The following R3HDM1 variants were observed in gnomAD, a reference collection of about 807,000 sequenced individuals.
R3HDM1 encodes R3H domain-containing protein 1.
Under a neutral mutation model 141.1 loss-of-function variants are expected in R3HDM1, and 46 were observed. The observed-to-expected ratio is 0.33, with a 90% CI of 0.26 to 0.42. The LOEUF (loss-of-function observed/expected upper bound fraction) is 0.42. Ranked by LOEUF, R3HDM1 falls within the 10% of genes least tolerant of loss-of-function variation. The pLI is 1.00. For missense variants in R3HDM1, 1,184 were observed against 1,368.3 expected (o/e 0.87, Z 2.12); for synonymous variants, 435 against 472.9 (o/e 0.92, Z 1.04).
At chr2:135,630,398 G>A (rs2105213301) in intron 7 of R3HDM1, among the ~76,000 whole-genome samples, 1 of 150,558 alleles carries the variant, frequency 6.6e-6, no homozygotes, top group Non-Finnish European at 1.5e-5. Context: ...CTAAGGAGAA[G>A]CAGGTTTGGA....
At chr2:135,651,013 G>T in intron 17 of R3HDM1, 2 of 985,372 alleles carry the variant, frequency 2.0e-6, no homozygotes, top group Non-Finnish European at 2.4e-6. Flanking sequence ...TCCTTATCCT[G>T]TTGAATTAGA....
intron 21 of R3HDM1, among the ~76,000 whole-genome samples, chr2:135,690,584 A>G (rs758389087): frequency 6.6e-5 from 10 of 152,192 alleles, no homozygotes; most frequent in Non-Finnish European, 8.8e-5. Flanking sequence ...ATGATTTTGT[A>G]GCACTAACAG....
chr2:135,536,594 C>T (rs893111267), intron 1 of R3HDM1: 38 of 897,048 alleles, frequency 4.2e-5, no homozygotes, highest in South Asian at 5.1e-5. Context: ...TGACCATTCT[C>T]GAGAGGGAAT....
chr2:135,663,529 T>C (rs943673261), intron 19 of R3HDM1, among the ~76,000 whole-genome samples: 1 of 152,208 alleles, frequency 6.6e-6, no homozygotes. Context: ...AGCATTCTTA[T>C]CTAAAAGAGA....
chr2:135,551,294 C>T lies in R3HDM1; in HGVS notation c.-250+19661C>T, dbSNP rs576180822. 6.6e-5 allele frequency among the ~76,000 whole-genome samples: 10 copies of T among 152,190 alleles called. No homozygotes were observed. The South Asian group carries it at 1.9e-3, about 28-fold the overall frequency. ...AAAATTAGAAGTGGGAGAGGCTGCC[C>T]GCTGTAGCTGCACTAGCAGCAGGAA... On this transcript the variant is annotated intron_variant, in intron 1 of 26. Transcript: ENST00000683871.
chr2:135,663,172 A>G (rs1203330532), intron 19 of R3HDM1, among the ~76,000 whole-genome samples: 3 of 151,842 alleles, frequency 2.0e-5, no homozygotes, highest in Non-Finnish European at 4.4e-5. Context: ...ACTTAATAGA[A>G]TTCAACTAAA....
intron 23 of R3HDM1, 132 bp from the exon 24 acceptor site, chr2:135,715,418 G>T: frequency 1.0e-6 from 1 of 958,580 alleles, no homozygotes; most frequent in East Asian, 2.7e-5. Context: ...TGTTTATTTT[G>T]GGGAGTTGCA....
At chr2:135,599,193 C>T (rs56219556) in intron 1 of R3HDM1, among the ~76,000 whole-genome samples, 6,548 of 152,004 alleles carry the variant, frequency 0.043, 477 homozygotes, top group African/African-American at 0.15. Flanking sequence ...ATACATGTGG[C>T]GTTTCTCTGG....
chr2:135,677,882 G>A (rs2069476698), intron 20 of R3HDM1, among the ~76,000 whole-genome samples: 1 of 151,944 alleles, frequency 6.6e-6, no homozygotes, highest in South Asian at 2.1e-4. Context: ...TTTCCCTCCA[G>A]TGTATTCTAT....
rs1344351861 is a variant in R3HDM1 at position 135,568,449 on chromosome 2, G to A, written c.-249-34051G>A. On this transcript the variant is annotated intron_variant, in intron 1 of 26. Transcript: ENST00000683871. ...ACTGCATCCTCCACCTCGCAGGTTC[G>A]AGTGATTCTCCTGCCTCAGCCTCCC... Among the ~76,000 whole-genome samples, 3 of 151,824 alleles carry A rather than the reference G, an allele frequency of 2.0e-5. No individual in the cohort carries two copies. In the East Asian group the frequency reaches 5.8e-4, roughly 30 times the overall value.
intron 1 of R3HDM1, among the ~76,000 whole-genome samples, chr2:135,545,243 C>A (rs994918856): frequency 6.6e-6 from 1 of 152,140 alleles, no homozygotes; most frequent in African/African-American, 2.4e-5. Flanking sequence ...TTACTATGTG[C>A]CGTGTACTGC....
chr2:135,632,480 T>A (rs1273188223), intron 9 of R3HDM1, among the ~76,000 whole-genome samples: 1 of 152,220 alleles, frequency 6.6e-6, no homozygotes, highest in Non-Finnish European at 1.5e-5. Flanking sequence ...GACTGTTGGT[T>A]AATGCAATAT....
chr2:135,636,171 A>G lies in R3HDM1; in HGVS notation c.891A>G (p.Ile297Met). The G allele has an allele frequency of 6.2e-7, 1 of 1,612,780 alleles. No homozygotes were observed. The highest frequency in any genetic ancestry group is 8.5e-7 in the Non-Finnish European group (1 of 1,179,354). The change falls in exon 11 of 27, where the codon ATA becomes ATG. Residue 297 changes from isoleucine (I) to methionine (M), a missense_variant. Around this residue, in one of 5 missense-constraint regions of R3HDM1, gnomAD observed 240 missense variants for 312.3 expected, o/e 0.77. Transcript: ENST00000683871. ...EEEYQRARDR[I>M]FSQDSLCSQE... The stretch of plus-strand genomic sequence containing the variant: ...AGTACCAGAGAGCCAGAGACCGAAT[A>G]TTTTCCCAAGATGTACGTACTAACT...
intron 1 of R3HDM1, among the ~76,000 whole-genome samples, chr2:135,565,365 T>A (rs537141077): frequency 7.0e-6 from 1 of 142,144 alleles, no homozygotes; most frequent in Admixed American, 7.2e-5. Context: ...TATTATTATT[T>A]TTAAATTTAA....
At chr2:135,680,078 T>C in intron 20 of R3HDM1, 95 bp from the exon 21 acceptor site, 1 of 1,294,838 alleles carries the variant, frequency 7.7e-7, no homozygotes, top group Non-Finnish European at 1.1e-6. Context: ...AGAATTCATC[T>C]CGAAAAAAAT....
intron 1 of R3HDM1, among the ~76,000 whole-genome samples, chr2:135,545,481 G>GA (rs1698497572): frequency 6.6e-6 from 1 of 152,102 alleles, no homozygotes; most frequent in African/African-American, 2.4e-5. Context: ...TGAAATGAAG[G>GA]AAAAAGCCAT....
chr2:135,640,257 T>G (rs1370615696), intron 14 of R3HDM1, among the ~76,000 whole-genome samples: 7 of 152,252 alleles, frequency 4.6e-5, no homozygotes, highest in African/African-American at 1.7e-4. Context: ...ATTGCAGTTG[T>G]CATCTTTTTA....
intron 9 of R3HDM1, among the ~76,000 whole-genome samples, chr2:135,634,977 C>T (rs1164416378): frequency 1.3e-5 from 2 of 152,132 alleles, no homozygotes; most frequent in African/African-American, 4.8e-5. Context: ...AGGGCCACAA[C>T]CTTGTGTTTG....
intron 16 of R3HDM1, among the ~76,000 whole-genome samples, chr2:135,646,414 C>G (rs1049642638): frequency 5.3e-5 from 8 of 151,318 alleles, no homozygotes; most frequent in African/African-American, 1.9e-4. Flanking sequence ...GGATTACAGG[C>G]ATGAGCCACC....
Sources: allele counts gnomAD v4.1 joint callset (sites outside exome capture counted in the v4.1 genomes callset), GRCh38; gene constraint gnomAD v4.1.1; regional missense constraint gnomAD v4.1.1; transcripts MANE v1.5; gene names NCBI Gene and HGNC (gene_info 2026-07-23, HGNC 2026-07-21).